Variants in GDAP1 observed in about 807,000 individuals in gnomAD.
The protein encoded by GDAP1 is ganglioside induced differentiation associated protein 1, also known as ganglioside-induced differentiation-associated protein 1.
GDAP1 carries 34 observed loss-of-function variants against 40.1 expected under a neutral mutation model. The ratio of observed to expected loss-of-function variants is 0.85; its 90% CI spans 0.64 to 1.13. The LOEUF (loss-of-function observed/expected upper bound fraction) is 1.13, where lower values mean the gene tolerates loss of function less well. GDAP1 is among the 50% of genes most tolerant of loss of function. GDAP1 has a pLI of 0.00. For synonymous variants in GDAP1, 170 were observed against 157.4 expected (o/e 1.08, Z -0.60); for missense variants, 374 against 433.7 (o/e 0.86, Z 1.22).
At chr8:74,396,919 A>G (rs1159043654) in intron 2 of GDAP1, among the ~76,000 whole-genome samples, 1 of 152,216 alleles carries the variant, frequency 6.6e-6, no homozygotes, top group Admixed American at 6.5e-5. Context: ...TAGATCCCTG[A>G]GGAATCGCCA....
chr8:74,486,850 C>T (rs942638150), intron 2 of GDAP1, among the ~76,000 whole-genome samples: 4 of 152,160 alleles, frequency 2.6e-5, no homozygotes, highest in Admixed American at 1.3e-4. Context: ...ATCTGTCCTT[C>T]ATTGCACTTT....
intron 2 of GDAP1, among the ~76,000 whole-genome samples, chr8:74,459,362 A>G (rs1483362150): frequency 6.6e-6 from 1 of 152,210 alleles, no homozygotes; most frequent in Non-Finnish European, 1.5e-5. Context: ...AAAGAGCAGC[A>G]TCTCTCAATC....
chr8:74,464,003 G>A (rs1321449616), intron 2 of GDAP1, among the ~76,000 whole-genome samples: 1 of 152,044 alleles, frequency 6.6e-6, no homozygotes, highest in Admixed American at 6.6e-5. Flanking sequence ...AACAACTAAA[G>A]GAAATGTGGA....
Position 74,479,986 on chromosome 8 carries a change from C to CTT in GDAP1, c.166-8673_166-8672dup, listed in dbSNP as rs71271807. On this transcript the variant is annotated intron_variant, in intron 2 of 2. Coordinates refer to the GDAP1 transcript ENST00000523640. ...CTGAGTGAGTGAAGAAATGGACTCT[C>CTT]TTTTTTTTTTTTTTTTTTTTGAGAT... 1.3e-3 allele frequency among the ~76,000 whole-genome samples: 131 copies of CTT among 102,920 alleles called. 2 individuals are homozygous for CTT. The highest frequency in any genetic ancestry group is 4.5e-3 in the African/African-American group (107 of 23,596). The allele number at this position is 102,920 out of a possible 152,430, so 67.5% of individuals were successfully genotyped here.
Position 74,464,741 on chromosome 8 carries a change from A to G in GDAP1, c.166-23937A>G, listed in dbSNP as rs1806446982. Among the ~76,000 whole-genome samples, 2 of 152,214 alleles carry G rather than the reference A, an allele frequency of 1.3e-5. 1 individual carries two copies. The highest frequency in any genetic ancestry group is 3.8e-4 in the East Asian group (2 of 5,198). ...CTAGAGATAAGAATAACTCCGTCAGACAAAGACTGAGGGGGAATGGACAGT... is the reference window on the plus strand; with the variant it reads ...CTAGAGATAAGAATAACTCCGTCAGGCAAAGACTGAGGGGGAATGGACAGT... On this transcript the variant is annotated intron_variant, in intron 2 of 2. Coordinates refer to the GDAP1 transcript ENST00000523640.
chr8:74,397,013 A>G (rs1810211548), intron 2 of GDAP1, among the ~76,000 whole-genome samples: 1 of 152,098 alleles, frequency 6.6e-6, no homozygotes, highest in Admixed American at 6.5e-5. Context: ...CCTCTCTAGC[A>G]CCTGATGTTT....
intron 2 of GDAP1, 122 bp from the exon 3 acceptor site, chr8:74,360,014 GT>G: frequency 1.3e-6 from 1 of 748,712 alleles, no homozygotes; most frequent in East Asian, 2.7e-5. Context: ...AGGAGACAGT[GT>G]TTTTTGAATA....
At chr8:74,485,893 C>A (rs1806770577) in intron 2 of GDAP1, among the ~76,000 whole-genome samples, 1 of 152,122 alleles carries the variant, frequency 6.6e-6, no homozygotes, top group South Asian at 2.1e-4. Flanking sequence ...AATGAGGAAA[C>A]ATGGCAACAG....
At chr8:74,363,921 T>A (rs1250368476) in intron 5 of GDAP1, 64 bp from the exon 6 acceptor site, 2 of 1,404,986 alleles carry the variant, frequency 1.4e-6, no homozygotes, top group East Asian at 4.6e-5. Flanking sequence ...AGACCACTGA[T>A]ACCAGCTGGA....
intron 2 of GDAP1, among the ~76,000 whole-genome samples, chr8:74,355,884 A>G (rs1173190710): frequency 6.6e-6 from 1 of 152,136 alleles, no homozygotes; most frequent in Non-Finnish European, 1.5e-5. Flanking sequence ...TTCTAGTATG[A>G]TATTAAAATC....
chr8:74,365,448 G>A lies in GDAP1; in HGVS notation c.*1081G>A, dbSNP rs1385239454. 1 of 454,036 alleles carries A rather than the reference G, an allele frequency of 2.2e-6. No homozygotes were observed. Among genetic ancestry groups the A allele is most frequent in the East Asian group, 6.9e-5 (1 of 14,392 alleles). 28.1% of individuals were successfully genotyped at this position (454,036 alleles called of 1,614,324 possible). Reference sequence around the variant, plus strand: ...AGTTCATGTGGAAGGGACAGTCTCGGTGTGTCCCATGAATAACCTTGGAAC... The same window carrying A: ...AGTTCATGTGGAAGGGACAGTCTCGATGTGTCCCATGAATAACCTTGGAAC... On this transcript the variant is annotated 3_prime_UTR_variant, in exon 6 of 6. Transcript: ENST00000220822.
intron 2 of GDAP1, among the ~76,000 whole-genome samples, chr8:74,356,716 A>ATATATATATATTTTTTTTTTTTTT (rs375377157): frequency 5.8e-4 from 61 of 104,310 alleles, no homozygotes; most frequent in African/African-American, 2.4e-3. Flanking sequence ...ATATATATAT[A>ATATATATATATTTTTTTTTTTTTT]TTTTTTTTTT....
chr8:74,387,161 A>G (rs867044759), intron 2 of GDAP1, among the ~76,000 whole-genome samples: 1 of 152,208 alleles, frequency 6.6e-6, no homozygotes, highest in Non-Finnish European at 1.5e-5. Flanking sequence ...CCCTATTTGA[A>G]TACCGTTTAT....
At chr8:74,470,451 T>G (rs1806536034) in intron 2 of GDAP1, among the ~76,000 whole-genome samples, 1 of 152,100 alleles carries the variant, frequency 6.6e-6, no homozygotes, top group Non-Finnish European at 1.5e-5. Context: ...CCCCTTCCTG[T>G]GTCCATGTGT....
chr8:74,383,720 C>T (rs1305537438), intron 2 of GDAP1, among the ~76,000 whole-genome samples: 2 of 152,126 alleles, frequency 1.3e-5, no homozygotes, highest in African/African-American at 4.8e-5. Context: ...TCTCTCCATA[C>T]AGTTGGAAGA....
At chr8:74,440,051 A>T (rs1439345784) in intron 2 of GDAP1, among the ~76,000 whole-genome samples, 1 of 152,162 alleles carries the variant, frequency 6.6e-6, no homozygotes, top group Non-Finnish European at 1.5e-5. Context: ...GTTATTAATT[A>T]TACCTAGTGA....
chr8:74,399,284 G>A (rs1327645627), intron 2 of GDAP1, among the ~76,000 whole-genome samples: 2 of 149,972 alleles, frequency 1.3e-5, no homozygotes, highest in Non-Finnish European at 2.9e-5. Context: ...TTGGGAGGGC[G>A]TATGTGTCAA....
At chr8:74,439,791 A>C (rs1806138812) in intron 2 of GDAP1, among the ~76,000 whole-genome samples, 1 of 151,970 alleles carries the variant, frequency 6.6e-6, no homozygotes, top group African/African-American at 2.4e-5. Context: ...TAAATTTTGC[A>C]TTAAAACTGT....
Position 74,360,269 on chromosome 8 carries a change from T to C in GDAP1, c.443T>C (p.Val148Ala). Reference sequence around the variant, plus strand: ...TGCATTTTACATCCTGAGTTAACTGTGGACTCCATGATCCCGGCTTATGCA... The same window carrying C: ...TGCATTTTACATCCTGAGTTAACTGCGGACTCCATGATCCCGGCTTATGCA... ...HGCILHPELT[V>A]DSMIPAYATT... The change falls in exon 3 of 6, where the codon GTG (valine) becomes GCG (alanine). Residue 148 changes from valine to alanine, a missense_variant. Val to Ala is a moderately conservative substitution (Grantham distance 64). Transcript: ENST00000220822. The C allele has an allele frequency of 6.2e-7, 1 of 1,614,076 alleles. No individual in the cohort carries two copies. Among genetic ancestry groups the C allele is most frequent in the Non-Finnish European group, 8.5e-7 (1 of 1,179,924 alleles).
Sources: gnomAD v4.1 joint callset for allele counts (sites outside exome capture counted in the v4.1 genomes callset) on GRCh38, gnomAD v4.1.1 for gene constraint, MANE v1.5 for transcripts, NCBI Gene and HGNC (gene_info 2026-07-23, HGNC 2026-07-21) for gene names.